CPA3: variants seen among roughly 807,000 people sequenced by gnomAD.
CPA3 encodes mast cell carboxypeptidase A.
Under a neutral mutation model 55.8 loss-of-function variants are expected in CPA3, and 52 were observed. The observed-to-expected ratio is 0.93, with a 90% CI of 0.75 to 1.17. CPA3 has a LOEUF of 1.17. Ranked by LOEUF, CPA3 falls within the 50% of genes most tolerant of loss-of-function variation. The probability of loss-of-function intolerance (pLI) is 0.00; values close to 1 mark genes in which losing one functional copy is unlikely to be tolerated. For synonymous variants in CPA3, 179 were observed against 171.2 expected (o/e 1.05, Z -0.36); for missense variants, 547 against 509.1 (o/e 1.07, Z -0.72).
At chr3:148,886,249 A>T in intron 10 of CPA3, 72 bp downstream of exon 10, 1 of 1,107,872 alleles carries the variant, frequency 9.0e-7, no homozygotes, top group Non-Finnish European at 1.3e-6. Context: ...AAAATTATGG[A>T]ATTTGCAATT....
intron 3 of CPA3, among the ~76,000 whole-genome samples, chr3:148,877,548 G>A (rs570983863): frequency 2.6e-5 from 4 of 152,014 alleles, no homozygotes; most frequent in South Asian, 2.1e-4. Flanking sequence ...GGTGTAAGCC[G>A]TAAGCCTCTT....
At chr3:148,881,494 T>C in intron 6 of CPA3, 28 bp from the exon 7 acceptor site, 2 of 1,410,340 alleles carry the variant, frequency 1.4e-6, no homozygotes, top group South Asian at 1.2e-5. Context: ...TTCATACCAA[T>C]AGCTTAATTT....
chr3:148,868,502 G>A (rs1224563137), intron 2 of CPA3, among the ~76,000 whole-genome samples: 1 of 152,098 alleles, frequency 6.6e-6, no homozygotes, highest in African/African-American at 2.4e-5. Flanking sequence ...AGGATTTCCA[G>A]AGTTTATAGG....
chr3:148,880,234 A>G (rs1714323423), intron 6 of CPA3, among the ~76,000 whole-genome samples: 1 of 152,148 alleles, frequency 6.6e-6, no homozygotes, highest in African/African-American at 2.4e-5. Context: ...AAACATAGAT[A>G]TTTAATTTTA....
intron 3 of CPA3, among the ~76,000 whole-genome samples, chr3:148,871,408 G>A (rs558834465): frequency 2.6e-5 from 4 of 152,270 alleles, no homozygotes; most frequent in South Asian, 4.1e-4. Context: ...GCCCTATAAC[G>A]CAGTTACAAT....
chr3:148,866,500 G>A (rs80245122), intron 2 of CPA3, among the ~76,000 whole-genome samples: 3,384 of 152,266 alleles, frequency 0.022, 109 homozygotes, highest in East Asian at 0.17. Flanking sequence ...GCATTCCTCC[G>A]TTTGAGGGTC....
chr3:148,892,701 G>A (rs1268037478), intron 10 of CPA3, among the ~76,000 whole-genome samples: 1 of 150,598 alleles, frequency 6.6e-6, no homozygotes, highest in African/African-American at 2.4e-5. Context: ...AAACTGTCTG[G>A]GTGTGGTGGC....
At chr3:148,895,208 C>A (rs1204673459) in intron 10 of CPA3, among the ~76,000 whole-genome samples, 3 of 152,196 alleles carry the variant, frequency 2.0e-5, no homozygotes, top group Non-Finnish European at 2.9e-5. Context: ...TCTCACTGCT[C>A]CCTTTGCTCT....
intron 10 of CPA3, among the ~76,000 whole-genome samples, chr3:148,890,328 C>A (rs1714636072): frequency 6.6e-6 from 1 of 151,998 alleles, no homozygotes; most frequent in African/African-American, 2.4e-5. Context: ...TGATAAGAAC[C>A]AAGATTGCAT....
Position 148,886,177 on chromosome 3 carries a change from TG to T in CPA3, c.1066+1del. The stretch of plus-strand genomic sequence containing the variant: ...CTATGGCCCAATAGAATCAACAATT[TG>T]TAAGTCATTCCTCTTATTTACTGAG... On this transcript the variant is annotated splice_donor_variant, in intron 10 of 10. Transcript: ENST00000296046. LOFTEE classifies it high-confidence loss of function. The T allele has an allele frequency of 6.3e-7, 1 of 1,597,948 alleles. No individual in the cohort carries two copies. Among genetic ancestry groups the T allele is most frequent in the South Asian group, 1.1e-5 (1 of 89,722 alleles).
intron 9 of CPA3, among the ~76,000 whole-genome samples, chr3:148,884,217 G>T (rs1714458216): frequency 6.6e-6 from 1 of 152,096 alleles, no homozygotes; most frequent in African/African-American, 2.4e-5. Flanking sequence ...AAGATACATT[G>T]TATTTTTATC....
At chr3:148,873,171 G>A (rs1459209101) in intron 3 of CPA3, among the ~76,000 whole-genome samples, 2 of 152,140 alleles carry the variant, frequency 1.3e-5, no homozygotes, top group Non-Finnish European at 2.9e-5. Flanking sequence ...GTCAGTAAGT[G>A]TAGAATTTGA....
intron 9 of CPA3, among the ~76,000 whole-genome samples, chr3:148,885,621 A>C (rs1380755383): frequency 6.6e-6 from 1 of 152,004 alleles, no homozygotes; most frequent in Non-Finnish European, 1.5e-5. Flanking sequence ...CATGCTAGCC[A>C]GGATGGTCTC....
chr3:148,882,569 A>G lies in CPA3; in HGVS notation c.752A>G (p.Asn251Ser), dbSNP rs1714401615. The G allele has an allele frequency of 6.2e-7, 1 of 1,613,736 alleles. No homozygotes were observed. Among genetic ancestry groups the G allele is most frequent in the Non-Finnish European group, 8.5e-7 (1 of 1,179,722 alleles). The change falls in exon 8 of 11, where the codon AAC becomes AGC. Residue 251 changes from asparagine (N) to serine (S), a missense_variant. Coordinates refer to ENST00000296046, the MANE Select transcript of CPA3 (RefSeq NM_001870.4). ...TCCAAATGCATCGGCACTGACCTCA[A>G]CAGGAATTTTAATGCTTCATGGAAC... Reference protein sequence around the residue: ...QNSKCIGTDLNRNFNASWNSI... With the variant: ...QNSKCIGTDLSRNFNASWNSI...
chr3:148,878,800 T>C, intron 5 of CPA3, 52 bp downstream of exon 5: 3 of 1,106,276 alleles, frequency 2.7e-6, no homozygotes, highest in Non-Finnish European at 4.0e-6. Flanking sequence ...AAAACATGAA[T>C]TTAAAAGTTA....
intron 10 of CPA3, among the ~76,000 whole-genome samples, chr3:148,894,839 T>G (rs1305358561): frequency 6.6e-6 from 1 of 152,190 alleles, no homozygotes; most frequent in African/African-American, 2.4e-5. Context: ...ACATTCATTT[T>G]TCCAAGCTCT....
intron 10 of CPA3, among the ~76,000 whole-genome samples, chr3:148,890,907 T>C (rs1714647459): frequency 6.6e-6 from 1 of 152,218 alleles, no homozygotes; most frequent in Non-Finnish European, 1.5e-5. Flanking sequence ...AATATTTTCT[T>C]AATGTTGAAC....
intron 2 of CPA3, among the ~76,000 whole-genome samples, chr3:148,867,781 C>A (rs1173110029): frequency 6.6e-6 from 1 of 152,192 alleles, no homozygotes; most frequent in Non-Finnish European, 1.5e-5. Flanking sequence ...GGAAATTGAG[C>A]TTTTCCTTCA....
chr3:148,881,377 G>A (rs1322909477), intron 6 of CPA3, 145 bp from the exon 7 acceptor site: 2 of 575,822 alleles, frequency 3.5e-6, no homozygotes, highest in Admixed American at 3.2e-5. Context: ...TATATGGATT[G>A]TTTATTTTTG....
Sources: allele counts gnomAD v4.1 joint callset (sites outside exome capture counted in the v4.1 genomes callset), GRCh38; gene constraint gnomAD v4.1.1; transcripts MANE v1.5; gene names NCBI Gene and HGNC (gene_info 2026-07-23, HGNC 2026-07-21).